ACTL8: variants seen among roughly 807,000 people sequenced by gnomAD.
ACTL8 encodes actin like 8.
ACTL8 carries 3 observed loss-of-function variants against 9.3 expected under a neutral mutation model. That is an observed-to-expected ratio of 0.32 (90% CI 0.15 to 0.83). ACTL8 has a LOEUF of 0.83. ACTL8 is among the 40% of genes least tolerant of loss of function. The pLI is 0.57. For synonymous variants in ACTL8, 224 were observed against 205.9 expected, an observed-to-expected ratio of 1.09 and a Z score of -0.75; for missense variants, 381 against 492.2, an observed-to-expected ratio of 0.77 and a Z score of 2.14.
intron 1 of ACTL8, among the ~76,000 whole-genome samples, chr1:17,796,762 C>T (rs2066280478): frequency 6.6e-6 from 1 of 152,236 alleles, no homozygotes; most frequent in African/African-American, 2.4e-5. Flanking sequence ...CCGACCTCTT[C>T]AAGCTTCTTC....
At chr1:17,785,584 C>T (rs1050741431) in intron 1 of ACTL8, among the ~76,000 whole-genome samples, 1 of 152,214 alleles carries the variant, frequency 6.6e-6, no homozygotes, top group Non-Finnish European at 1.5e-5. Context: ...TAGATTTCAA[C>T]CCTCTCATCC....
At position 17,800,000 on chromosome 1, in the gene ACTL8, G is replaced by T. The variant is rs945662819; in HGVS notation, c.-24-22985G>T. Among the ~76,000 whole-genome samples the T allele has an allele frequency of 5.3e-5, 8 of 152,236 alleles. No individual in the cohort carries two copies. The East Asian group carries it at 1.5e-3, about 29-fold the overall frequency. Reference sequence around the variant, plus strand: ...GCCGTTTCTATTGCTGTACCTCTGGGACATCTCTTAATGCCTCGGAGGCCA... The same window carrying T: ...GCCGTTTCTATTGCTGTACCTCTGGTACATCTCTTAATGCCTCGGAGGCCA... On this transcript the variant is annotated intron_variant, in intron 1 of 2. Coordinates refer to ENST00000375406, the MANE Select transcript of ACTL8 (RefSeq NM_030812.3).
intron 1 of ACTL8, among the ~76,000 whole-genome samples, chr1:17,806,097 T>C (rs2066358324): frequency 6.6e-6 from 1 of 152,240 alleles, no homozygotes; most frequent in Admixed American, 6.5e-5. Context: ...TTATTAGCCC[T>C]GTTTACACAG....
Position 17,807,321 on chromosome 1 carries a change from C to A in ACTL8, c.-24-15664C>A, listed in dbSNP as rs116189071. ...AGCATTGACAGGATGAGAAACAAGA[C>A]GGCTGACAGGTTGGAGGCACAGACC... is the stretch of plus-strand genomic sequence containing the variant. On this transcript the variant is annotated intron_variant, in intron 1 of 2. Transcript: ENST00000375406. Among the ~76,000 whole-genome samples the A allele has an allele frequency of 2.0e-5, 3 of 152,268 alleles. No homozygotes were observed. The East Asian group carries it at 5.8e-4, about 29-fold the overall frequency.
chr1:17,768,656 A>C (rs1041111909), intron 1 of ACTL8, among the ~76,000 whole-genome samples: 6 of 152,156 alleles, frequency 3.9e-5, no homozygotes, highest in African/African-American at 1.4e-4. Flanking sequence ...TTTTGGACAC[A>C]GTGATCCGGC....
intron 1 of ACTL8, among the ~76,000 whole-genome samples, chr1:17,770,584 T>A (rs1390367459): frequency 6.6e-6 from 1 of 152,158 alleles, no homozygotes; most frequent in African/African-American, 2.4e-5. Context: ...AAGGGTGGGC[T>A]TGGGAAAGAC....
chr1:17,808,665 C>T (rs918250125), intron 1 of ACTL8, among the ~76,000 whole-genome samples: 2 of 152,200 alleles, frequency 1.3e-5, no homozygotes, highest in African/African-American at 2.4e-5. Flanking sequence ...TCTTAGTAAG[C>T]GTGCTCAGCA....
At chr1:17,760,842 C>T (rs576465262) in intron 1 of ACTL8, among the ~76,000 whole-genome samples, 111 of 152,306 alleles carry the variant, frequency 7.3e-4, no homozygotes, top group Non-Finnish European at 1.3e-3. Flanking sequence ...GCAAGTCAAG[C>T]GGCCATGATT....
At chr1:17,805,377 C>T (rs74729327) in intron 1 of ACTL8, among the ~76,000 whole-genome samples, 1,453 of 100,024 alleles carry the variant, frequency 0.015, 34 homozygotes, top group African/African-American at 0.028. Context: ...TTTTCTTTTT[C>T]TTTTTTTTTT....
intron 1 of ACTL8, among the ~76,000 whole-genome samples, chr1:17,796,464 C>G (rs571803372): frequency 3.9e-4 from 59 of 152,220 alleles, no homozygotes; most frequent in Middle Eastern, 3.4e-3. Context: ...CCCAAGAGGT[C>G]GGCATCACGC....
chr1:17,795,511 C>G (rs1004634383), intron 1 of ACTL8, among the ~76,000 whole-genome samples: 2 of 152,182 alleles, frequency 1.3e-5, no homozygotes, highest in African/African-American at 2.4e-5. Flanking sequence ...TTTCCCTTCC[C>G]TCTGTTACTT....
chr1:17,778,668 C>A (rs1020906365), intron 1 of ACTL8, among the ~76,000 whole-genome samples: 3 of 152,152 alleles, frequency 2.0e-5, no homozygotes, highest in African/African-American at 4.8e-5. Flanking sequence ...ATTCCCTACT[C>A]CGGGCCTATC....
At chr1:17,763,772 A>G (rs1331665654) in intron 1 of ACTL8, among the ~76,000 whole-genome samples, 3 of 152,316 alleles carry the variant, frequency 2.0e-5, no homozygotes, top group Non-Finnish European at 4.4e-5. Context: ...CCCCCTGCAG[A>G]AAAGGATGAG....
intron 1 of ACTL8, among the ~76,000 whole-genome samples, chr1:17,804,277 T>C (rs919647836): frequency 3.3e-5 from 5 of 152,096 alleles, no homozygotes; most frequent in Non-Finnish European, 7.4e-5. Context: ...AAATGGGTCT[T>C]TGGGGGTCTT....
intron 1 of ACTL8, among the ~76,000 whole-genome samples, chr1:17,784,385 T>C (rs947196740): frequency 6.6e-6 from 1 of 152,160 alleles, no homozygotes; most frequent in Non-Finnish European, 1.5e-5. Flanking sequence ...ACAGGAGATT[T>C]GGGTGGGACA....
chr1:17,758,677 C>T (rs761235347), intron 1 of ACTL8, among the ~76,000 whole-genome samples: 2 of 152,156 alleles, frequency 1.3e-5, no homozygotes, highest in Non-Finnish European at 2.9e-5. Flanking sequence ...GATGCTGTTT[C>T]CTGGGGATCT....
intron 1 of ACTL8, among the ~76,000 whole-genome samples, chr1:17,782,690 A>G (rs2066165619): frequency 6.6e-6 from 1 of 152,170 alleles, no homozygotes; most frequent in Non-Finnish European, 1.5e-5. Context: ...CTTCTGAACA[A>G]ATTGTTTTGC....
At chr1:17,815,248 C>T (rs2066419038) in intron 1 of ACTL8, among the ~76,000 whole-genome samples, 1 of 152,034 alleles carries the variant, frequency 6.6e-6, no homozygotes, top group Non-Finnish European at 1.5e-5. Context: ...AAATATTTAC[C>T]GTTTCTGTTT....
intron 1 of ACTL8, among the ~76,000 whole-genome samples, chr1:17,795,134 C>T (rs921298990): frequency 7.2e-5 from 11 of 152,310 alleles, no homozygotes; most frequent in East Asian, 5.8e-4. Flanking sequence ...CATTCTCGCT[C>T]GCACTGCTGT....
Sources: allele counts gnomAD v4.1 joint callset (sites outside exome capture counted in the v4.1 genomes callset), GRCh38; gene constraint gnomAD v4.1.1; transcripts MANE v1.5; gene names NCBI Gene and HGNC (gene_info 2026-07-23, HGNC 2026-07-21).